The following GPC5 variants were observed in gnomAD, a reference collection of about 807,000 sequenced individuals.
The protein encoded by GPC5 is glypican-5.
Under a neutral mutation model 53.9 loss-of-function variants are expected in GPC5, and 47 were observed. The ratio of observed to expected loss-of-function variants is 0.87; its 90% confidence interval spans 0.69 to 1.11. GPC5 has a LOEUF of 1.11. GPC5 is among the 50% of genes most tolerant of loss of function. The pLI is 0.00. For missense variants in GPC5, 748 were observed against 713.1 expected (o/e 1.05, Z -0.56); for synonymous variants, 286 against 263.3 (o/e 1.09, Z -0.84).
At chr13:92,260,373 C>T (rs1392927352) in intron 7 of GPC5, among the ~76,000 whole-genome samples, 2 of 152,154 alleles carry the variant, frequency 1.3e-5, no homozygotes, top group African/African-American at 4.8e-5. Flanking sequence ...ATCTTCATTC[C>T]TCAGCCGAAA....
At chr13:92,654,853 A>G (rs1886075039) in intron 7 of GPC5, among the ~76,000 whole-genome samples, 1 of 152,294 alleles carries the variant, frequency 6.6e-6, no homozygotes, top group East Asian at 1.9e-4. Context: ...TTTCAAATGT[A>G]ATAAAGTTAA....
At chr13:91,754,205 A>C (rs866744919) in intron 4 of GPC5, among the ~76,000 whole-genome samples, 16 of 152,184 alleles carry the variant, frequency 1.1e-4, no homozygotes, top group Middle Eastern at 3.2e-3. Context: ...AACTTAGATA[A>C]AATGCTGTAG....
Position 91,771,576 on chromosome 13 carries a change from T to A in GPC5, c.1280+15156T>A, listed in dbSNP as rs577247088. Among the ~76,000 whole-genome samples, 490 of 152,318 alleles carry A rather than the reference T, an allele frequency of 3.2e-3. 2 individuals are homozygous for A. Among genetic ancestry groups the A allele is most frequent in the African/African-American group, 0.011 (464 of 41,576 alleles). On this transcript the variant is annotated intron_variant, in intron 5 of 7. Transcript: ENST00000377067. The stretch of plus-strand genomic sequence containing the variant: ...CTAAAATGAAGAATATAATTTTGAT[T>A]TTTATAAAGAAGGAGATAGCCTTAC...
chr13:92,408,735 A>G (rs1875910816), intron 7 of GPC5, among the ~76,000 whole-genome samples: 1 of 152,104 alleles, frequency 6.6e-6, no homozygotes, highest in South Asian at 2.1e-4. Context: ...ATCAACAGCC[A>G]AAGTTTTTTT....
At chr13:92,729,876 A>T (rs1031466537) in intron 7 of GPC5, among the ~76,000 whole-genome samples, 91 of 151,426 alleles carry the variant, frequency 6.0e-4, no homozygotes, top group Middle Eastern at 3.4e-3. Context: ...TGTTTCTGTT[A>T]AAATGGTTGG....
intron 7 of GPC5, among the ~76,000 whole-genome samples, chr13:92,276,159 G>A (rs1462509155): frequency 1.3e-5 from 2 of 152,030 alleles, no homozygotes; most frequent in Non-Finnish European, 2.9e-5. Flanking sequence ...AGGTTACTTG[G>A]GCTGATACAA....
intron 6 of GPC5, among the ~76,000 whole-genome samples, chr13:91,989,942 A>C (rs1037789921): frequency 6.6e-6 from 1 of 152,162 alleles, no homozygotes; most frequent in Admixed American, 6.6e-5. Context: ...ATTAAAAAAA[A>C]CTTCACCCTT....
intron 1 of GPC5, among the ~76,000 whole-genome samples, chr13:91,418,872 AT>A: frequency 6.6e-6 from 1 of 151,742 alleles, no homozygotes; most frequent in East Asian, 1.9e-4. Flanking sequence ...GATTATGATT[AT>A]TTTCTTCTGC....
intron 7 of GPC5, among the ~76,000 whole-genome samples, chr13:92,395,107 A>G (rs1050599275): frequency 6.6e-6 from 1 of 152,168 alleles, no homozygotes; most frequent in East Asian, 1.9e-4. Flanking sequence ...AACCATTAGT[A>G]CTTAAAGAAA....
At chr13:91,902,465 T>C (rs2039507057) in intron 5 of GPC5, among the ~76,000 whole-genome samples, 1 of 152,094 alleles carries the variant, frequency 6.6e-6, no homozygotes, top group Non-Finnish European at 1.5e-5. Flanking sequence ...CAAGTATTCC[T>C]GTTCAACTGC....
intron 6 of GPC5, among the ~76,000 whole-genome samples, chr13:91,981,359 G>A (rs558059609): frequency 6.6e-6 from 1 of 151,210 alleles, no homozygotes; most frequent in South Asian, 2.1e-4. Flanking sequence ...GCGCGATCTC[G>A]GCTCACTGCA....
intron 7 of GPC5, among the ~76,000 whole-genome samples, chr13:92,856,256 A>G (rs1320520392): frequency 6.6e-6 from 1 of 152,112 alleles, no homozygotes; most frequent in Non-Finnish European, 1.5e-5. Flanking sequence ...ATAAAAGCAC[A>G]TAGTTATCTC....
intron 2 of GPC5, among the ~76,000 whole-genome samples, chr13:91,680,310 A>G (rs938277852): frequency 6.6e-6 from 1 of 152,120 alleles, no homozygotes; most frequent in Non-Finnish European, 1.5e-5. Flanking sequence ...TTAGCCAGGC[A>G]TGGTGGCATA....
intron 6 of GPC5, among the ~76,000 whole-genome samples, chr13:92,088,896 A>G (rs1358303916): frequency 6.6e-6 from 1 of 152,224 alleles, no homozygotes. Context: ...ATGTGATAGC[A>G]TAGTGCAATG....
At chr13:91,650,666 G>C (rs1258069482) in intron 2 of GPC5, among the ~76,000 whole-genome samples, 1 of 149,232 alleles carries the variant, frequency 6.7e-6, no homozygotes, top group Non-Finnish European at 1.5e-5. Flanking sequence ...ACCTGTCCCA[G>C]TTATCACTGA....
chr13:92,355,213 T>C (rs1055941278), intron 7 of GPC5, among the ~76,000 whole-genome samples: 2 of 151,916 alleles, frequency 1.3e-5, no homozygotes, highest in African/African-American at 4.8e-5. Context: ...TTGTGGTTTG[T>C]TTTCATTATA....
intron 7 of GPC5, among the ~76,000 whole-genome samples, chr13:92,554,495 A>C (rs984140204): frequency 6.6e-6 from 1 of 151,650 alleles, no homozygotes; most frequent in Non-Finnish European, 1.5e-5. Flanking sequence ...AACAAGCTAG[A>C]GATTAAAAAA....
intron 7 of GPC5, among the ~76,000 whole-genome samples, chr13:92,415,615 C>T (rs1338755765): frequency 2.7e-5 from 4 of 150,482 alleles, no homozygotes; most frequent in African/African-American, 9.8e-5. Flanking sequence ...TAGGCCAAGA[C>T]GTTGAGTGAG....
intron 4 of GPC5, among the ~76,000 whole-genome samples, chr13:91,737,328 T>C (rs1187590927): frequency 6.6e-6 from 1 of 151,472 alleles, no homozygotes; most frequent in Non-Finnish European, 1.5e-5. Flanking sequence ...GCCTATAATA[T>C]TTGTTTAACA....
Sources: allele counts gnomAD v4.1 joint callset (sites outside exome capture counted in the v4.1 genomes callset), GRCh38; gene constraint gnomAD v4.1.1; transcripts MANE v1.5; gene names NCBI Gene and HGNC (gene_info 2026-07-23, HGNC 2026-07-21).